Variants in MPND observed in about 807,000 individuals in gnomAD.
MPND encodes the protein MPN domain containing.
A neutral mutation model predicts 59.2 loss-of-function variants in MPND; 56 were observed. That is an observed-to-expected ratio of 0.95 (90% CI 0.76 to 1.18). The LOEUF (loss-of-function observed/expected upper bound fraction) is 1.18, where lower values mean the gene tolerates loss of function less well. Among genes scored for constraint, MPND ranks in the 50% most tolerant of loss-of-function variants. The probability of loss-of-function intolerance (pLI) is 0.00; values close to 1 mark genes in which losing one functional copy is unlikely to be tolerated. For missense variants in MPND, 671 were observed against 676.0 expected (o/e 0.99, Z 0.08); for synonymous variants, 323 against 291.9 (o/e 1.11, Z -1.09).
At chr19:4,350,911 C>T (rs1171150470) in intron 3 of MPND, among the ~76,000 whole-genome samples, 1 of 151,914 alleles carries the variant, frequency 6.6e-6, no homozygotes, top group Non-Finnish European at 1.5e-5. Flanking sequence ...GGGCCAGCAA[C>T]AGCGAGAGGG....
In MPND at chr19:4,343,790, T is replaced by C; in HGVS notation, c.90T>C (p.Pro30=). The C allele has an allele frequency of 8.3e-7, 1 of 1,208,142 alleles. No individual in the cohort carries two copies. The highest frequency in any genetic ancestry group is 1.0e-6 in the Non-Finnish European group (1 of 972,760). The allele number at this position is 1,208,142 out of a possible 1,614,324, so 74.8% of individuals were successfully genotyped here. The part of the protein sequence containing the change: ...EDEDEAEAED[P]ERPNAGAGGG... ...AGGACGAAGCGGAGGCCGAGGACCCTGAGCGGCCGAATGCGGGAGCGGGCG... is the reference window on the plus strand; with the variant it reads ...AGGACGAAGCGGAGGCCGAGGACCCCGAGCGGCCGAATGCGGGAGCGGGCG... Residue 30 remains proline, a synonymous_variant, in exon 2 of 13, where the codon CCT becomes CCC. Coordinates refer to ENST00000599840, the MANE Select transcript of MPND (RefSeq NM_001300862.2).
chr19:4,357,164 G>A, intron 8 of MPND, 89 bp from the exon 9 acceptor site: 2 of 1,409,442 alleles, frequency 1.4e-6, no homozygotes, highest in Admixed American at 4.9e-5. Flanking sequence ...CTGATACACA[G>A]CAGGAATTCG....
intron 10 of MPND, 67 bp from the exon 11 acceptor site, chr19:4,358,016 A>G (rs1972483078): frequency 1.5e-6 from 2 of 1,363,098 alleles, no homozygotes; most frequent in South Asian, 2.5e-5. Context: ...GGGCACTGCC[A>G]ATTGTCCCCA....
chr19:4,358,470 A>C (rs1174040913), intron 11 of MPND: 1 of 408,510 alleles, frequency 2.4e-6, no homozygotes, highest in Non-Finnish European at 4.5e-6. Flanking sequence ...ACACTTAAAA[A>C]TTGTGTGTTC....
intron 4 of MPND, among the ~76,000 whole-genome samples, chr19:4,353,560 ACCTGTTTT>A (rs1460664543): frequency 7.5e-6 from 1 of 133,032 alleles, no homozygotes. Context: ...GAGCCACTGT[ACCTGTTTT>A]TTTGTTTTTT....
chr19:4,349,865 G>C (rs1972275551), intron 3 of MPND, among the ~76,000 whole-genome samples: 1 of 152,184 alleles, frequency 6.6e-6, no homozygotes, highest in African/African-American at 2.4e-5. Flanking sequence ...TGAATCACAT[G>C]TAACAAATGC....
intron 8 of MPND, among the ~76,000 whole-genome samples, 197 bp downstream of exon 8, chr19:4,355,370 C>CT (rs1972415309): frequency 6.9e-6 from 1 of 145,982 alleles, no homozygotes; most frequent in Non-Finnish European, 1.5e-5. Flanking sequence ...GAGTCTCGCT[C>CT]TGTCACCCAG....
intron 3 of MPND, chr19:4,348,930 T>C (rs1972250581): frequency 4.9e-6 from 1 of 205,994 alleles, no homozygotes; most frequent in South Asian, 9.1e-5. Context: ...GCTGGGATTA[T>C]AGGCGTGAGC....
At chr19:4,356,307 C>G (rs1194145652) in intron 8 of MPND, among the ~76,000 whole-genome samples, 1 of 152,110 alleles carries the variant, frequency 6.6e-6, no homozygotes. Flanking sequence ...AATCCCAGCA[C>G]TTAGGGAGGC....
chr19:4,359,349 CAG>C (rs1972525021), intron 12 of MPND, 94 bp downstream of exon 12: 13 of 918,594 alleles, frequency 1.4e-5, no homozygotes, highest in Middle Eastern at 3.3e-4. Context: ...CCGTGGGCCT[CAG>C]GGGCCTGAGA....
intron 3 of MPND, chr19:4,347,720 A>G: frequency 1.3e-6 from 1 of 764,668 alleles, no homozygotes; most frequent in Non-Finnish European, 2.0e-6. Context: ...TCCTCACTTA[A>G]GCTTCAGTGA....
In MPND at chr19:4,358,095, G is replaced by T. The variant is rs1185025899; in HGVS notation, c.1249G>T (p.Asp417Tyr). The T allele has an allele frequency of 6.4e-7, 1 of 1,551,370 alleles. No individual in the cohort carries two copies. Among genetic ancestry groups the T allele is most frequent in the Non-Finnish European group, 8.7e-7 (1 of 1,146,970 alleles). The change falls in exon 11 of 13, where the codon GAC becomes TAC. Residue 417 changes from aspartate (D) to tyrosine (Y), a missense_variant. Asp to Tyr is a radical substitution (Grantham distance 160). Transcript: ENST00000599840. ...VMPPPEQRPS[D>Y]YGIPMDVEMA... ...GTGTCCCTGCCAGCAAAGGCCCAGT[G>T]ACTATGGCATCCCCATGGATGTGGA...
chr19:4,354,639 G>A, intron 6 of MPND: 2 of 599,848 alleles, frequency 3.3e-6, no homozygotes, highest in East Asian at 5.6e-5. Context: ...AGCTGAGGCA[G>A]CGGGTCACCT....
intron 11 of MPND, among the ~76,000 whole-genome samples, chr19:4,358,772 G>A (rs1194579774): frequency 6.6e-6 from 1 of 152,224 alleles, no homozygotes; most frequent in Non-Finnish European, 1.5e-5. Flanking sequence ...GGGCCACAGA[G>A]TGAGACCCTA....
At chr19:4,345,486 A>C (rs1345088735) in intron 2 of MPND, among the ~76,000 whole-genome samples, 2 of 152,222 alleles carry the variant, frequency 1.3e-5, no homozygotes, top group African/African-American at 4.8e-5. Context: ...CAAGACAGAC[A>C]GACCCTATCC....
chr19:4,348,541 G>A (rs1305842234), intron 3 of MPND: 1 of 152,074 alleles, frequency 6.6e-6, no homozygotes, highest in African/African-American at 2.4e-5. Flanking sequence ...TTATAGGCGT[G>A]AGCCATCGCG....
chr19:4,357,276 G>A lies in MPND; in HGVS notation c.1020G>A (p.Arg340=). The change falls in exon 9 of 13, where the codon CGG becomes CGA. Residue 340 remains arginine (R), a synonymous_variant. Transcript: ENST00000599840. ...EEEIYQSLFL[R]GLSLVGWYHS... ...AGATCTACCAGAGCCTGTTCCTGCGGGGCCTGTCCCTGGTGGGCTGGTACC... is the reference window on the plus strand; with the variant it reads ...AGATCTACCAGAGCCTGTTCCTGCGAGGCCTGTCCCTGGTGGGCTGGTACC... 1 of 1,609,920 alleles carries A rather than the reference G, an allele frequency of 6.2e-7. No homozygotes were observed. The highest frequency in any genetic ancestry group is 8.5e-7 in the Non-Finnish European group (1 of 1,178,006).
chr19:4,354,500 A>G (rs751272834), intron 6 of MPND, 80 bp downstream of exon 6: 1 of 1,129,444 alleles, frequency 8.9e-7, no homozygotes, highest in South Asian at 1.4e-5. Flanking sequence ...CCTGCGTATC[A>G]GCTCCATGAG....
At chr19:4,355,274 C>G in intron 8 of MPND, 101 bp downstream of exon 8, 2 of 1,231,786 alleles carry the variant, frequency 1.6e-6, no homozygotes, top group South Asian at 1.3e-5. Flanking sequence ...ACCCAGCAAC[C>G]GTGCAGGTGA....
Sources: gnomAD v4.1 joint callset for allele counts (sites outside exome capture counted in the v4.1 genomes callset) on GRCh38, gnomAD v4.1.1 for gene constraint, MANE v1.5 for transcripts, NCBI Gene and HGNC (gene_info 2026-07-23, HGNC 2026-07-21) for gene names.